Variants in CHST9 observed in about 807,000 individuals in gnomAD.
CHST9 encodes GalNAc-4-sulfotransferase 2.
Under a neutral mutation model 44.4 loss-of-function variants are expected in CHST9, and 41 were observed. That is an observed-to-expected ratio of 0.92 (90% CI 0.72 to 1.20). The LOEUF (loss-of-function observed/expected upper bound fraction) is 1.20. CHST9 is among the 50% of genes most tolerant of loss of function. The probability of loss-of-function intolerance (pLI) is 0.00; values close to 1 mark genes in which losing one functional copy is unlikely to be tolerated. For missense variants in CHST9, 504 were observed against 516.5 expected, an observed-to-expected ratio of 0.98 and a Z score of 0.23; for synonymous variants, 171 against 178.4, an observed-to-expected ratio of 0.96 and a Z score of 0.33.
At position 27,159,807 on chromosome 18, in the gene CHST9, C is replaced by T. The variant is rs565158108; in HGVS notation, c.-96-16902G>A. Among the ~76,000 whole-genome samples the T allele has an allele frequency of 5.4e-3, 820 of 152,218 alleles. 6 individuals are homozygous for T. The highest frequency in any genetic ancestry group is 7.2e-3 in the Non-Finnish European group (491 of 68,016). ...CATTGAGCAGTGGTTTGTAGTTCTC[C>T]TTGAAGAGGTCCTTTACGTCCCTTG... On this transcript the variant is annotated intron_variant, in intron 1 of 5. Transcript: ENST00000618847.
At chr18:27,139,559 T>C (rs1468312984) in intron 2 of CHST9, among the ~76,000 whole-genome samples, 2 of 152,050 alleles carry the variant, frequency 1.3e-5, no homozygotes, top group Non-Finnish European at 2.9e-5. Flanking sequence ...GAATTTCAAC[T>C]CACAGCACTA....
intron 2 of CHST9, among the ~76,000 whole-genome samples, chr18:27,115,298 T>C (rs1332308331): frequency 2.0e-5 from 3 of 152,200 alleles, no homozygotes; most frequent in Non-Finnish European, 2.9e-5. Flanking sequence ...TTATAAATAA[T>C]ATATGATATA....
chr18:27,062,623 G>A (rs887129842), intron 2 of CHST9, among the ~76,000 whole-genome samples: 2 of 152,082 alleles, frequency 1.3e-5, no homozygotes, highest in Non-Finnish European at 2.9e-5. Context: ...ATAAACACAC[G>A]TATGCATGTG....
chr18:27,033,429 G>A (rs1246420404), intron 3 of CHST9, among the ~76,000 whole-genome samples: 1 of 152,172 alleles, frequency 6.6e-6, no homozygotes, highest in African/African-American at 2.4e-5. Context: ...TGTGGTTGCA[G>A]GTTTTGCTCT....
chr18:27,041,898 G>A (rs1461387883), intron 3 of CHST9, among the ~76,000 whole-genome samples: 3 of 152,100 alleles, frequency 2.0e-5, no homozygotes, highest in African/African-American at 7.2e-5. Flanking sequence ...AAGGGAAAAC[G>A]CATCTAAGAG....
chr18:26,999,394 A>G (rs1313457823), intron 4 of CHST9, among the ~76,000 whole-genome samples: 2 of 152,218 alleles, frequency 1.3e-5, no homozygotes, highest in African/African-American at 4.8e-5. Flanking sequence ...TTCTGGAAGG[A>G]TGTAGTCCAT....
intron 4 of CHST9, among the ~76,000 whole-genome samples, chr18:26,984,120 C>T (rs1396864243): frequency 6.6e-6 from 1 of 152,176 alleles, no homozygotes; most frequent in Non-Finnish European, 1.5e-5. Context: ...CCCAAATTTA[C>T]ACCTGACTAG....
At position 26,916,330 on chromosome 18, in the gene CHST9, C is replaced by CATAGAACTGAGA; in HGVS notation, c.1260_1261insTCTCAGTTCTAT (p.Thr420_Glu421insSerGlnPheTyr). 1 of 1,611,072 alleles carries CATAGAACTGAGA rather than the reference C, an allele frequency of 6.2e-7. No individual in the cohort carries two copies. Among genetic ancestry groups the CATAGAACTGAGA allele is most frequent in the Non-Finnish European group, 8.5e-7 (1 of 1,177,466 alleles). On this transcript the variant is annotated inframe_insertion, in exon 6 of 6. Coordinates refer to ENST00000618847, the MANE Select transcript of CHST9 (RefSeq NM_031422.6). ...TAAAAGTCATAGATTAATTGTCTCT[C>CATAGAACTGAGA]AGTTCTAGTCAGATCCTTTAAATAC...
chr18:27,078,149 C>A (rs193004511), intron 2 of CHST9, among the ~76,000 whole-genome samples: 63 of 152,248 alleles, frequency 4.1e-4, no homozygotes, highest in South Asian at 2.1e-4. Flanking sequence ...AGAATCAAAC[C>A]ATATCAAACA....
At chr18:27,080,904 A>G (rs1448492553) in intron 2 of CHST9, among the ~76,000 whole-genome samples, 2 of 151,276 alleles carry the variant, frequency 1.3e-5, no homozygotes, top group Non-Finnish European at 2.9e-5. Flanking sequence ...GAATCTGAAG[A>G]ATTTAAGGCA....
intron 2 of CHST9, among the ~76,000 whole-genome samples, chr18:27,100,861 A>C (rs2143749230): frequency 6.6e-6 from 1 of 152,360 alleles, no homozygotes; most frequent in African/African-American, 2.4e-5. Context: ...ACAGCATGTA[A>C]TTCAGACATG....
intron 4 of CHST9, among the ~76,000 whole-genome samples, chr18:26,955,887 T>C (rs920394278): frequency 1.3e-5 from 2 of 152,130 alleles, no homozygotes; most frequent in African/African-American, 2.4e-5. Context: ...ACGCAGTCAG[T>C]TGAGGATCAG....
rs377190620 is a variant in CHST9, at chr18:26,916,676, G to A, written c.915C>T (p.Phe305=). ...EHPNSYYHPV[F]GKAIIKKYRP... ...GATATTTCTTGATAATTGCCTTTCC[G>A]AATACTGGATGGTAATAACTATTGG... is the stretch of plus-strand genomic sequence containing the variant. The change falls in exon 6 of 6, where the codon TTC becomes TTT. Residue 305 remains phenylalanine (F), a synonymous_variant. Transcript: ENST00000618847. 33 of 1,613,716 alleles carry A rather than the reference G, an allele frequency of 2.0e-5. No homozygotes were observed. The highest frequency in any genetic ancestry group is 1.6e-4 in the African/African-American group (12 of 74,890).
chr18:27,124,256 T>C (rs937510878), intron 2 of CHST9, among the ~76,000 whole-genome samples: 3 of 152,216 alleles, frequency 2.0e-5, no homozygotes, highest in Non-Finnish European at 4.4e-5. Flanking sequence ...CCAAGTTAAC[T>C]TGGCATCCTG....
chr18:27,087,448 A>G (rs931050007), intron 2 of CHST9, among the ~76,000 whole-genome samples: 7 of 152,210 alleles, frequency 4.6e-5, no homozygotes, highest in African/African-American at 1.7e-4. Context: ...GATGGTTTCC[A>G]ACTGTAGATT....
intron 2 of CHST9, among the ~76,000 whole-genome samples, chr18:27,069,333 T>A (rs1001973996): frequency 6.6e-6 from 1 of 152,196 alleles, no homozygotes; most frequent in Non-Finnish European, 1.5e-5. Flanking sequence ...TAAAAAGCAA[T>A]GATCCCACCT....
At chr18:27,077,056 A>G (rs1358243829) in intron 2 of CHST9, among the ~76,000 whole-genome samples, 2 of 152,204 alleles carry the variant, frequency 1.3e-5, no homozygotes, top group Non-Finnish European at 2.9e-5. Flanking sequence ...TAATGTGCAT[A>G]AAATTCTGAA....
At chr18:27,070,923 A>T (rs1487717456) in intron 2 of CHST9, among the ~76,000 whole-genome samples, 2 of 152,068 alleles carry the variant, frequency 1.3e-5, no homozygotes, top group Non-Finnish European at 2.9e-5. Flanking sequence ...AAAGGAGGGG[A>T]CTAGCCAGAC....
At chr18:26,952,372 C>T (rs163042) in intron 4 of CHST9, 166,433 of 464,628 alleles carry the variant, frequency 0.36, 31,094 homozygotes, top group East Asian at 0.48. Flanking sequence ...ATTGGGACAT[C>T]AACAATTGTC....
Sources: gnomAD v4.1 joint callset for allele counts (sites outside exome capture counted in the v4.1 genomes callset) on GRCh38, gnomAD v4.1.1 for gene constraint, MANE v1.5 for transcripts, NCBI Gene and HGNC (gene_info 2026-07-23, HGNC 2026-07-21) for gene names.